The following RAB11FIP3 variants were observed in gnomAD, a reference collection of about 807,000 sequenced individuals.
The protein encoded by RAB11FIP3 is RAB11 family interacting protein 3.
A neutral mutation model predicts 77.8 loss-of-function variants in RAB11FIP3; 17 were observed. The ratio of observed to expected loss-of-function variants is 0.22; its 90% CI spans 0.15 to 0.33. The LOEUF (loss-of-function observed/expected upper bound fraction) is 0.33. RAB11FIP3 is among the 10% of genes least tolerant of loss of function. The pLI, the probability that RAB11FIP3 is intolerant of heterozygous loss-of-function variation, is 1.00. For synonymous variants in RAB11FIP3, 437 were observed against 448.2 expected (o/e 0.98, Z 0.31); for missense variants, 1,005 against 1,011.2 (o/e 0.99, Z 0.08).
intron 5 of RAB11FIP3, among the ~76,000 whole-genome samples, chr16:492,264 A>T (rs2030293352): frequency 6.6e-6 from 1 of 151,584 alleles, no homozygotes; most frequent in Non-Finnish European, 1.5e-5. Flanking sequence ...ATTCAGGTGG[A>T]GAGGATGGGG....
Position 460,079 on chromosome 16 carries a change from G to A in RAB11FIP3, c.715-1325G>A, listed in dbSNP as rs564550150. 4.3e-4 allele frequency among the ~76,000 whole-genome samples: 65 copies of A among 152,096 alleles called. No homozygotes were observed. In the South Asian group the frequency reaches 6.2e-3, roughly 15 times the overall value. ...TTTAGTAGAGATGGGGTTTCTCCACGTTGGTCAGGATGATCTGGAACTCCC... is the reference window on the plus strand; with the variant it reads ...TTTAGTAGAGATGGGGTTTCTCCACATTGGTCAGGATGATCTGGAACTCCC... On this transcript the variant is annotated intron_variant, in intron 1 of 13. Transcript: ENST00000262305.
chr16:428,988 A>G (rs2054995101), intron 1 of RAB11FIP3, among the ~76,000 whole-genome samples: 1 of 152,188 alleles, frequency 6.6e-6, no homozygotes. Context: ...CTCCTGTGGT[A>G]TTACTCCTTG....
chr16:522,245 A>AATATATATATATATAT lies in RAB11FIP3; in HGVS notation c.*1419_*1434dup, dbSNP rs57161308. On this transcript the variant is annotated 3_prime_UTR_variant, in exon 14 of 14. Coordinates refer to ENST00000262305, the MANE Select transcript of RAB11FIP3 (RefSeq NM_014700.4). ...AAGAGAAAACTGTGTATACACATGAAATATATATATATATATATATATATA... is the reference window on the plus strand; with the variant it reads ...AAGAGAAAACTGTGTATACACATGAAATATATATATATATATATATATATATATATATATATATATA... The AATATATATATATATAT allele has an allele frequency of 7.4e-6, 1 of 134,688 alleles. No individual in the cohort carries two copies. Among genetic ancestry groups the AATATATATATATATAT allele is most frequent in the African/African-American group, 2.7e-5 (1 of 36,452 alleles). 8.3% of individuals were successfully genotyped at this position (134,688 alleles called of 1,614,324 possible).
intron 6 of RAB11FIP3, among the ~76,000 whole-genome samples, chr16:501,871 T>C (rs2031551418): frequency 6.6e-6 from 1 of 150,706 alleles, no homozygotes; most frequent in African/African-American, 2.5e-5. Context: ...GCAAGGAAGC[T>C]GGGAGATGGT....
chr16:429,183 C>G (rs896457110), intron 1 of RAB11FIP3, among the ~76,000 whole-genome samples: 2 of 152,062 alleles, frequency 1.3e-5, no homozygotes, highest in African/African-American at 4.8e-5. Context: ...GTAGCCATTG[C>G]TCAGTTTTAG....
chr16:426,378 C>G lies in RAB11FIP3; in HGVS notation c.372C>G (p.Ser124=). The part of the protein sequence containing the change: ...APLPELDPLF[S]WTEEPEECGP... ...TTCCAGAACTCGACCCGTTGTTCTC[C>G]TGGACTGAGGAGCCCGAGGAGTGTG... The change falls in exon 1 of 14, where the codon TCC becomes TCG. Residue 124 remains serine, a synonymous_variant. Transcript: ENST00000262305. This position sits in a 1 kb window ranked among gnomAD's most constrained non-coding sequence, Gnocchi z 5.0. 3 of 1,574,576 alleles carry G rather than the reference C, an allele frequency of 1.9e-6. No homozygotes were observed. The highest frequency in any genetic ancestry group is 2.6e-6 in the Non-Finnish European group (3 of 1,162,898).
intron 5 of RAB11FIP3, 30 bp from the exon 6 acceptor site, chr16:496,794 A>G (rs769598692): frequency 1.3e-6 from 2 of 1,567,146 alleles, no homozygotes; most frequent in Admixed American, 3.3e-5. Flanking sequence ...TGTTCTAACA[A>G]TTTTCCTGTT....
intron 4 of RAB11FIP3, among the ~76,000 whole-genome samples, chr16:484,254 C>G (rs980605427): frequency 6.6e-6 from 1 of 152,198 alleles, no homozygotes; most frequent in Non-Finnish European, 1.5e-5. Context: ...TGACAGCAGC[C>G]AGCTCTCCAC....
At chr16:448,932 CATAA>C (rs1157662986) in intron 1 of RAB11FIP3, among the ~76,000 whole-genome samples, 2 of 151,892 alleles carry the variant, frequency 1.3e-5, no homozygotes, top group African/African-American at 4.8e-5. Context: ...AATTGAATAA[CATAA>C]ATAAGTAAAT....
intron 4 of RAB11FIP3, among the ~76,000 whole-genome samples, chr16:486,855 G>A (rs886784339): frequency 6.6e-6 from 1 of 152,224 alleles, no homozygotes; most frequent in Non-Finnish European, 1.5e-5. Flanking sequence ...CTGGCCGATG[G>A]ACCAGTGTGT....
chr16:482,345 C>A, intron 3 of RAB11FIP3, 180 bp from the exon 4 acceptor site: 2 of 721,632 alleles, frequency 2.8e-6, no homozygotes, highest in Non-Finnish European at 5.0e-6. Flanking sequence ...CGTGAGTCAC[C>A]GCGCCCAGCC....
chr16:461,302 TCC>T lies in RAB11FIP3; in HGVS notation c.715-100_715-99del. The T allele has an allele frequency of 1.2e-6, 1 of 820,718 alleles. No individual in the cohort carries two copies. Among genetic ancestry groups the T allele is most frequent in the Non-Finnish European group, 1.9e-6 (1 of 519,490 alleles). 50.8% of individuals were successfully genotyped at this position (820,718 alleles called of 1,614,324 possible). On this transcript the variant is annotated intron_variant, in intron 1 of 13. Transcript: ENST00000262305. This position sits in a 1 kb window ranked among gnomAD's most constrained non-coding sequence, Gnocchi z 4.5. ...CTCACCTCCTGCTGTGCTTCCCCGT[TCC>T]CAGCAGGCCACACACCAGATCTCTC...
chr16:520,114 C>T lies in RAB11FIP3; in HGVS notation c.1861-8C>T, dbSNP rs1201526034. 6.5e-7 allele frequency: 1 copy of T among 1,545,302 alleles called. No individual in the cohort carries two copies. Among genetic ancestry groups the T allele is most frequent in the African/African-American group, 1.4e-5 (1 of 73,220 alleles). On this transcript the variant is annotated splice_polypyrimidine_tract_variant and splice_region_variant and intron_variant, in intron 11 of 13. Coordinates refer to ENST00000262305, the MANE Select transcript of RAB11FIP3 (RefSeq NM_014700.4). ...GGCCCCCCGGCTCACTGCACGGTTG[C>T]CCTGCAGCTGATCGAGGACCTCCGA... is the stretch of plus-strand genomic sequence containing the variant.
Position 425,705 on chromosome 16 carries a change from GC to G in RAB11FIP3, c.-297del, listed in dbSNP as rs936222293. The G allele has an allele frequency of 3.5e-6, 1 of 287,956 alleles. No individual in the cohort carries two copies. The highest frequency in any genetic ancestry group is 6.5e-6 in the Non-Finnish European group (1 of 154,616). The allele number at this position is 287,956 out of a possible 1,614,324, so 17.8% of individuals were successfully genotyped here. ...GGCTCCGCGGCCTCCGGCCTCCTCG[GC>G]CCCCGTCCCCCGGCCTCCTCGGCCC... On this transcript the variant is annotated 5_prime_UTR_variant, in exon 1 of 14. Transcript: ENST00000262305.
chr16:426,390 G>C lies in RAB11FIP3; in HGVS notation c.384G>C (p.Glu128Asp). ...ELDPLFSWTE[E>D]PEECGPASCP... ...ACCCGTTGTTCTCCTGGACTGAGGAGCCCGAGGAGTGTGGCCCCGCGAGCT... is the reference window on the plus strand; with the variant it reads ...ACCCGTTGTTCTCCTGGACTGAGGACCCCGAGGAGTGTGGCCCCGCGAGCT... The change falls in exon 1 of 14, where the codon GAG becomes GAC. Residue 128 changes from glutamate to aspartate, a missense_variant. By Grantham distance (45) the Glu-to-Asp change is conservative. Around this residue, in one of 4 missense-constraint regions of RAB11FIP3, gnomAD observed 466 missense variants for 408.3 expected, o/e 1.14. Transcript: ENST00000262305. This position sits in a 1 kb window ranked among gnomAD's most constrained non-coding sequence, Gnocchi z 5.0. 6.3e-7 allele frequency: 1 copy of C among 1,578,580 alleles called. No individual in the cohort carries two copies. The highest frequency in any genetic ancestry group is 2.3e-5 in the East Asian group (1 of 43,240).
chr16:467,745 CCTCA>C (rs2055731943), intron 2 of RAB11FIP3, among the ~76,000 whole-genome samples: 2 of 44,482 alleles, frequency 4.5e-5, no homozygotes, highest in African/African-American at 1.7e-4. Context: ...GGTGCAGGGG[CCTCA>C]GGGAGGAGGT....
intron 2 of RAB11FIP3, among the ~76,000 whole-genome samples, chr16:466,389 G>A (rs563759804): frequency 6.6e-6 from 1 of 152,278 alleles, no homozygotes; most frequent in African/African-American, 2.4e-5. Context: ...TCAGGGTAGG[G>A]GTTGGTTTGT....
intron 8 of RAB11FIP3, among the ~76,000 whole-genome samples, chr16:509,544 G>A (rs2032032467): frequency 6.6e-6 from 1 of 152,270 alleles, no homozygotes; most frequent in South Asian, 2.1e-4. Flanking sequence ...CAGGGCCTGT[G>A]CCCTTCTCTT....
At chr16:450,438 C>T (rs1003002144) in intron 1 of RAB11FIP3, among the ~76,000 whole-genome samples, 2 of 152,180 alleles carry the variant, frequency 1.3e-5, no homozygotes, top group Non-Finnish European at 2.9e-5. Context: ...CCCTGGCCTC[C>T]AAAAGTGCTG....
Sources: allele counts gnomAD v4.1 joint callset (sites outside exome capture counted in the v4.1 genomes callset), GRCh38; gene constraint gnomAD v4.1.1; regional missense constraint gnomAD v4.1.1; non-coding constraint Gnocchi (gnomAD v3.1); transcripts MANE v1.5; gene names NCBI Gene and HGNC (gene_info 2026-07-23, HGNC 2026-07-21).